The following EPB41 variants were observed in gnomAD, a reference collection of about 807,000 sequenced individuals.
EPB41 encodes the protein protein 4.1.
EPB41 carries 65 observed loss-of-function variants against 108.0 expected under a neutral mutation model. The observed-to-expected ratio is 0.60, with a 90% confidence interval of 0.49 to 0.74. EPB41 has a LOEUF of 0.74. Among genes scored for constraint, EPB41 ranks in the 30% least tolerant of loss-of-function variants. EPB41 has a pLI of 0.00. For synonymous variants in EPB41, 336 were observed against 358.9 expected, an observed-to-expected ratio of 0.94 and a Z score of 0.72; for missense variants, 875 against 1,037.0, an observed-to-expected ratio of 0.84 and a Z score of 2.15.
In EPB41 at chr1:28,987,665, C is replaced by G. The variant is rs771047706; in HGVS notation, c.228C>G (p.Ser76Arg). Residue 76 changes from serine (S) to arginine (R), a missense_variant, in exon 2 of 21, where the codon AGC (serine) becomes AGG (arginine). By Grantham distance (110) the Ser-to-Arg change is moderately radical. Transcript: ENST00000343067. ...LTKNKERTSE[S>R]RGLSRLFSSF... is the part of the protein sequence containing the mutation. ...AGAACAAGGAGCGGACATCAGAAAGCAGAGGACTTTCACGACTATTCTCCT... is the reference window on the plus strand; with the variant it reads ...AGAACAAGGAGCGGACATCAGAAAGGAGAGGACTTTCACGACTATTCTCCT... The G allele has an allele frequency of 3.1e-6, 5 of 1,614,092 alleles. 1 individual carries two copies. Among genetic ancestry groups the G allele is most frequent in the Middle Eastern group, 3.3e-4 (2 of 6,084 alleles).
chr1:29,060,180 A>G (rs557920329), intron 14 of EPB41, among the ~76,000 whole-genome samples: 1 of 152,336 alleles, frequency 6.6e-6, no homozygotes, highest in Admixed American at 6.5e-5. Flanking sequence ...TGAAGCCAGG[A>G]GCACTGTCTA....
chr1:28,925,539 A>C (rs2093398963), intron 1 of EPB41, among the ~76,000 whole-genome samples: 1 of 152,104 alleles, frequency 6.6e-6, no homozygotes, highest in African/African-American at 2.4e-5. Context: ...TGGGGTGTAC[A>C]TTTTAGATAA....
chr1:29,032,594 T>G (rs1186683213), intron 8 of EPB41, among the ~76,000 whole-genome samples: 6 of 152,318 alleles, frequency 3.9e-5, no homozygotes, highest in East Asian at 1.9e-4. Context: ...ATTTATTTTC[T>G]TTGAATTATA....
intron 17 of EPB41, among the ~76,000 whole-genome samples, chr1:29,104,443 C>A (rs1414998217): frequency 6.6e-6 from 1 of 152,092 alleles, no homozygotes; most frequent in South Asian, 2.1e-4. Context: ...CAGACAGGGT[C>A]TCGCACTGTT....
intron 16 of EPB41, among the ~76,000 whole-genome samples, chr1:29,095,883 G>A (rs1242335647): frequency 1.3e-5 from 2 of 152,118 alleles, no homozygotes; most frequent in African/African-American, 4.8e-5. Flanking sequence ...AGTAACACAA[G>A]GAAGACCATA....
chr1:29,109,746 C>T (rs1010346673), intron 18 of EPB41: 4 of 403,236 alleles, frequency 9.9e-6, no homozygotes, highest in African/African-American at 6.2e-5. Context: ...TTTAAAAAGT[C>T]AGCATGGCCA....
At chr1:28,928,333 T>A (rs937488842) in intron 1 of EPB41, among the ~76,000 whole-genome samples, 1 of 152,174 alleles carries the variant, frequency 6.6e-6, no homozygotes, top group Non-Finnish European at 1.5e-5. Context: ...AAAAAATTCT[T>A]TATCTTACCA....
Position 29,018,295 on chromosome 1 carries a change from C to G in EPB41, c.977C>G (p.Ala326Gly). ...CTGCCCTGTTCCTTTGCAACCTTAG[C>G]ATTATTAGGTTCTTACACCATCCAG... ...GRLPCSFATL[A>G]LLGSYTIQSE... The change falls in exon 7 of 21, where the codon GCA (alanine) becomes GGA (glycine). Residue 326 changes from alanine to glycine, a missense_variant. Physicochemically the swap from Ala to Gly is moderately conservative, Grantham distance 60 (BLOSUM62 0). Transcript: ENST00000343067. The surrounding 1 kb of genome is among the most constrained non-coding windows in gnomAD (Gnocchi z 4.4). The G allele has an allele frequency of 6.2e-7, 1 of 1,614,154 alleles. No homozygotes were observed. The highest frequency in any genetic ancestry group is 8.5e-7 in the Non-Finnish European group (1 of 1,180,034).
Position 28,908,221 on chromosome 1 carries a change from G to GAGAAGC in EPB41, c.-8+21012_-8+21017dup, listed in dbSNP as rs564415049. On this transcript the variant is annotated intron_variant, in intron 1 of 16. Transcript: ENST00000347529. ...GTTCGAAACCAGCCTGGCCAAGATA[G>GAGAAGC]AGAAGCCCCGTCTCTACGAAACACA... is the stretch of plus-strand genomic sequence containing the variant. 3.0e-3 allele frequency among the ~76,000 whole-genome samples: 449 copies of GAGAAGC among 151,700 alleles called. 2 individuals are homozygous for GAGAAGC. Among genetic ancestry groups the GAGAAGC allele is most frequent in the African/African-American group, 0.01 (434 of 41,434 alleles).
chr1:28,960,692 C>T (rs1402769892), intron 1 of EPB41, among the ~76,000 whole-genome samples: 8 of 151,034 alleles, frequency 5.3e-5, no homozygotes, highest in Non-Finnish European at 7.4e-5. Context: ...ATTGTGCCAC[C>T]GCACTCCAGC....
chr1:28,998,025 A>G lies in EPB41; in HGVS notation c.786+706A>G, dbSNP rs146336799. Among the ~76,000 whole-genome samples the G allele has an allele frequency of 3.8e-3, 574 of 152,340 alleles. 6 individuals are homozygous for G. The highest frequency in any genetic ancestry group is 0.013 in the African/African-American group (531 of 41,572). ...TTTAACAAGTATTTGCAGGTGCTGT[A>G]CTAGATGATATGGATGCAGCTGTGA... On this transcript the variant is annotated intron_variant, in intron 4 of 20. Transcript: ENST00000343067.
At chr1:29,107,012 T>C (rs1232760644) in intron 17 of EPB41, among the ~76,000 whole-genome samples, 2 of 151,482 alleles carry the variant, frequency 1.3e-5, no homozygotes, top group Admixed American at 6.6e-5. Context: ...GGTGAAACCC[T>C]GTTTCTACTA....
intron 11 of EPB41, among the ~76,000 whole-genome samples, chr1:29,042,110 T>G (rs1362771612): frequency 6.6e-6 from 1 of 152,232 alleles, no homozygotes; most frequent in Non-Finnish European, 1.5e-5. Context: ...ATAGTCACCA[T>G]TTGGAAGTTC....
At chr1:28,948,261 C>T (rs1040495067) in intron 1 of EPB41, among the ~76,000 whole-genome samples, 1 of 151,998 alleles carries the variant, frequency 6.6e-6, no homozygotes, top group African/African-American at 2.4e-5. Flanking sequence ...CGCCTGTAAT[C>T]GCAGCACTTT....
intron 16 of EPB41, among the ~76,000 whole-genome samples, chr1:29,081,710 C>T (rs975789472): frequency 1.3e-5 from 2 of 151,804 alleles, no homozygotes; most frequent in South Asian, 2.1e-4. Flanking sequence ...TGGCACATGC[C>T]GGTAATCCCA....
intron 18 of EPB41, among the ~76,000 whole-genome samples, chr1:29,111,404 C>T (rs1249384828): frequency 6.6e-6 from 1 of 151,956 alleles, no homozygotes; most frequent in Non-Finnish European, 1.5e-5. Context: ...CACCTGTAAT[C>T]CCAGCACTTT....
At chr1:28,960,798 C>T (rs1448095867) in intron 1 of EPB41, among the ~76,000 whole-genome samples, 1 of 151,538 alleles carries the variant, frequency 6.6e-6, no homozygotes, top group African/African-American at 2.4e-5. Flanking sequence ...TTTGGGAGGC[C>T]GAGGCGGGTG....
At chr1:28,971,180 C>CTTTTTTTTTTTTTTTTT (rs1000130058) in intron 1 of EPB41, among the ~76,000 whole-genome samples, 3 of 66,320 alleles carry the variant, frequency 4.5e-5, no homozygotes, top group Non-Finnish European at 7.7e-5. Flanking sequence ...TTCTTTCTTT[C>CTTTTTTTTTTTTTTTTT]TTTTTTTTTT....
Position 28,997,335 on chromosome 1 carries a change from G to A in EPB41, c.786+16G>A. 5 of 1,495,554 alleles carry A rather than the reference G, an allele frequency of 3.3e-6. No individual in the cohort carries two copies. The allele number at this position is 1,495,554 out of a possible 1,614,324, so 92.6% of individuals were successfully genotyped here. On this transcript the variant is annotated intron_variant, in intron 4 of 20. Transcript: ENST00000343067. ...AACCTCTAAGGTGAGGAGACTGCTTGCAATTTAAGAAGCTGACAAAAAATT... is the reference window on the plus strand; with the variant it reads ...AACCTCTAAGGTGAGGAGACTGCTTACAATTTAAGAAGCTGACAAAAAATT...
Sources: allele counts gnomAD v4.1 joint callset (sites outside exome capture counted in the v4.1 genomes callset), GRCh38; gene constraint gnomAD v4.1.1; non-coding constraint Gnocchi (gnomAD v3.1); transcripts MANE v1.5; gene names NCBI Gene and HGNC (gene_info 2026-07-23, HGNC 2026-07-21).